The following DCAF8L2 variants were observed in gnomAD, a reference collection of about 807,000 sequenced individuals.
The protein encoded by DCAF8L2 is DDB1- and CUL4-associated factor 8-like protein 2.
For synonymous variants in DCAF8L2, 200 were observed against 190.9 expected, an observed-to-expected ratio of 1.05 and a Z score of -0.39; for missense variants, 430 against 490.7, an observed-to-expected ratio of 0.88 and a Z score of 1.17.
intron 3 of DCAF8L2, among the ~76,000 whole-genome samples, chrX:27,715,738 C>T (rs1931679573): frequency 9.0e-6 from 1 of 111,728 alleles, no homozygotes; most frequent in African/African-American, 3.2e-5. Context: ...GGCATCACTG[C>T]GTCAAGCTAT....
chrX:27,603,325 C>T (rs1327866876), intron 1 of DCAF8L2, among the ~76,000 whole-genome samples: 1 of 111,640 alleles, frequency 9.0e-6, no homozygotes, highest in Non-Finnish European at 1.9e-5. Context: ...ATCATTTAAA[C>T]CTTAGAGTAC....
intron 4 of DCAF8L2, among the ~76,000 whole-genome samples, chrX:27,737,960 G>T (rs1469159044): frequency 4.5e-5 from 5 of 111,426 alleles, no homozygotes; most frequent in African/African-American, 1.6e-4. Flanking sequence ...CAGAAAACAC[G>T]ACAAGCCCAC....
chrX:27,721,677 C>T (rs1197342262), intron 4 of DCAF8L2, among the ~76,000 whole-genome samples: 1 of 111,037 alleles, frequency 9.0e-6, no homozygotes, highest in Non-Finnish European at 1.9e-5. Context: ...AAAAAGAAAG[C>T]ATTAAAACAC....
intron 4 of DCAF8L2, among the ~76,000 whole-genome samples, chrX:27,739,328 C>T (rs1056924115): frequency 1.8e-5 from 2 of 111,693 alleles, no homozygotes; most frequent in Non-Finnish European, 3.8e-5. Flanking sequence ...TCAGTGGTCA[C>T]TTCCAAGGCT....
rs1569202730 is a variant in DCAF8L2 at position 27,748,647 on chromosome X, G to A, written c.1752G>A (p.Leu584=). The change falls in exon 5 of 5, where the codon CTG becomes CTA. Residue 584 remains leucine, a synonymous_variant. Transcript: ENST00000451261. ...ACCAGTACATGCTTTGGTTCCTCCT[G>A]CGTCACGTGACGCAGAGAGGTCGTC... ...LFDQYMLWFL[L]RHVTQRGRHQ... is the part of the protein sequence containing the mutation. 3.3e-6 allele frequency: 4 copies of A among 1,199,270 alleles called. No homozygotes were observed.
intron 3 of DCAF8L2, among the ~76,000 whole-genome samples, chrX:27,698,286 T>G (rs1254156794): frequency 9.0e-6 from 1 of 111,671 alleles, no homozygotes; most frequent in African/African-American, 3.3e-5. Flanking sequence ...CAACAACTGT[T>G]GCATCCCTTT....
chrX:27,578,463 A>C, the DCAF8L2 span, among the ~76,000 whole-genome samples: 1 of 112,055 alleles, frequency 8.9e-6, no homozygotes, highest in Non-Finnish European at 1.9e-5. Context: ...AAACCCTAGA[A>C]GAAAATCCAG....
chrX:27,493,867 CTTTT>C, the DCAF8L2 span, among the ~76,000 whole-genome samples: 1 of 110,971 alleles, frequency 9.0e-6, no homozygotes, highest in Non-Finnish European at 1.9e-5. Flanking sequence ...AGTTTGTGGG[CTTTT>C]GTTTCTGGCT....
At chrX:27,664,324 A>C (rs756240305) in intron 2 of DCAF8L2, among the ~76,000 whole-genome samples, 2 of 111,940 alleles carry the variant, frequency 1.8e-5, no homozygotes, top group South Asian at 7.5e-4. Flanking sequence ...ACCAGCCGCA[A>C]CATTCCTTTA....
chrX:27,598,727 A>C lies in DCAF8L2; in HGVS notation c.-342+8287A>C, dbSNP rs1171979628. Among the ~76,000 whole-genome samples, 5 of 111,127 alleles carry C rather than the reference A, an allele frequency of 4.5e-5. No homozygotes were observed. In the Admixed American group the frequency reaches 4.9e-4, roughly 11 times the overall value. ...GGACCCTAGTCCAACTGAGCCAGTG[A>C]TCACCTTAATAATTAAAGGTTCTCC... On this transcript the variant is annotated intron_variant, in intron 1 of 4. Transcript: ENST00000451261.
chrX:27,578,430 A>C, the DCAF8L2 span, among the ~76,000 whole-genome samples: 4 of 112,149 alleles, frequency 3.6e-5, no homozygotes, highest in Non-Finnish European at 7.5e-5. Context: ...TTTAAGACTT[A>C]CACATAAAAG....
At chrX:27,612,078 A>G (rs986456059) in intron 1 of DCAF8L2, among the ~76,000 whole-genome samples, 1 of 111,298 alleles carries the variant, frequency 9.0e-6, no homozygotes, top group Non-Finnish European at 1.9e-5. Flanking sequence ...AAGCGTTCCT[A>G]TTTCTCCACA....
the DCAF8L2 span, among the ~76,000 whole-genome samples, chrX:27,535,783 A>G: frequency 8.9e-6 from 1 of 111,977 alleles, no homozygotes; most frequent in South Asian, 3.7e-4. Context: ...GAGCTCACGC[A>G]AGTAAAAGAG....
intron 3 of DCAF8L2, among the ~76,000 whole-genome samples, chrX:27,714,546 T>C (rs1354262152): frequency 8.9e-6 from 1 of 112,212 alleles, no homozygotes; most frequent in Non-Finnish European, 1.9e-5. Flanking sequence ...TTTATTCCCA[T>C]TGTATAAAAT....
At chrX:27,633,193 G>T (rs1247507424) in intron 2 of DCAF8L2, 1 of 111,898 alleles carries the variant, frequency 8.9e-6, no homozygotes, top group African/African-American at 3.2e-5. Flanking sequence ...TTTAGTAAAT[G>T]TTAATTTGTT....
At chrX:27,521,439 G>C in the DCAF8L2 span, among the ~76,000 whole-genome samples, 1 of 112,031 alleles carries the variant, frequency 8.9e-6, no homozygotes, top group Non-Finnish European at 1.9e-5. Context: ...ATTCTCTGCT[G>C]CTTACTCTGA....
At chrX:27,490,701 C>A in the DCAF8L2 span, among the ~76,000 whole-genome samples, 12 of 111,049 alleles carry the variant, frequency 1.1e-4, no homozygotes, top group African/African-American at 3.6e-4. Context: ...ACCTTATAAT[C>A]CGCCCACCTC....
chrX:27,485,850 T>A, the DCAF8L2 span, among the ~76,000 whole-genome samples: 1 of 109,624 alleles, frequency 9.1e-6, no homozygotes, highest in African/African-American at 3.3e-5. Flanking sequence ...TAATGCATTC[T>A]ATTAAAATGA....
chrX:27,702,581 TA>T (rs1309782714), intron 3 of DCAF8L2, among the ~76,000 whole-genome samples: 2 of 111,109 alleles, frequency 1.8e-5, no homozygotes, highest in Non-Finnish European at 3.8e-5. Flanking sequence ...TATATCATAT[TA>T]ATAGGTAAAA....
Sources: allele counts gnomAD v4.1 joint callset (sites outside exome capture counted in the v4.1 genomes callset), GRCh38; gene constraint gnomAD v4.1.1; transcripts MANE v1.5; gene names NCBI Gene and HGNC (gene_info 2026-07-23, HGNC 2026-07-21).